AFF3: variants seen among roughly 807,000 people sequenced by gnomAD.
The protein encoded by AFF3 is AF4/FMR2 family member 3.
Under a neutral mutation model 129.7 loss-of-function variants are expected in AFF3, and 32 were observed. The observed-to-expected ratio is 0.25, with a 90% CI of 0.19 to 0.33. AFF3 has a LOEUF of 0.33. Ranked by LOEUF, AFF3 falls within the 10% of genes least tolerant of loss-of-function variation. The pLI is 1.00. For missense variants in AFF3, 1,373 were observed against 1,592.0 expected, an observed-to-expected ratio of 0.86 and a Z score of 2.34; for synonymous variants, 644 against 635.4, an observed-to-expected ratio of 1.01 and a Z score of -0.20.
At chr2:100,024,442 A>C (rs969764822) in intron 4 of AFF3, among the ~76,000 whole-genome samples, 30 of 148,358 alleles carry the variant, frequency 2.0e-4, no homozygotes, top group Non-Finnish European at 4.0e-4. Context: ...GTCTCTACTA[A>C]CAAAAAAAAT....
intron 8 of AFF3, among the ~76,000 whole-genome samples, chr2:99,756,754 T>C (rs1367940129): frequency 6.6e-6 from 1 of 152,256 alleles, no homozygotes; most frequent in Admixed American, 6.5e-5. Context: ...GTCTTTATAC[T>C]TGCTGTTTTG....
At chr2:100,058,789 A>G (rs1426194454) in intron 4 of AFF3, among the ~76,000 whole-genome samples, 1 of 152,234 alleles carries the variant, frequency 6.6e-6, no homozygotes, top group Non-Finnish European at 1.5e-5. Context: ...GAAAAGTACA[A>G]GTATAAAAAA....
intron 4 of AFF3, among the ~76,000 whole-genome samples, chr2:100,050,751 A>G (rs918581747): frequency 6.6e-6 from 1 of 152,110 alleles, no homozygotes; most frequent in Non-Finnish European, 1.5e-5. Context: ...TTACCCCCTC[A>G]TCTCCCAGCA....
intron 10 of AFF3, among the ~76,000 whole-genome samples, chr2:99,733,585 T>C (rs1389699629): frequency 6.6e-6 from 1 of 152,160 alleles, no homozygotes; most frequent in Non-Finnish European, 1.5e-5. Flanking sequence ...TAAAAGTATA[T>C]ACTTTTACTG....
intron 4 of AFF3, among the ~76,000 whole-genome samples, chr2:100,054,625 T>A (rs1686619829): frequency 6.6e-6 from 1 of 152,198 alleles, no homozygotes; most frequent in Non-Finnish European, 1.5e-5. Flanking sequence ...ATTCTGCAGA[T>A]CTTGGAACTT....
chr2:99,696,792 C>T (rs77766751), intron 11 of AFF3, among the ~76,000 whole-genome samples: 4,054 of 152,172 alleles, frequency 0.027, 89 homozygotes, highest in South Asian at 0.04. Flanking sequence ...TACAGGCACG[C>T]GCCACCATGC....
At chr2:99,785,833 A>G (rs1684747263) in intron 8 of AFF3, among the ~76,000 whole-genome samples, 1 of 152,014 alleles carries the variant, frequency 6.6e-6, no homozygotes, top group South Asian at 2.1e-4. Context: ...CTGCAACCTC[A>G]GCCTCCCGGG....
At chr2:100,125,319 G>A (rs1222549748) in intron 2 of AFF3, among the ~76,000 whole-genome samples, 6 of 152,100 alleles carry the variant, frequency 3.9e-5, no homozygotes, top group Admixed American at 3.9e-4. Flanking sequence ...ATATTATGGA[G>A]TCTGTAAATA....
chr2:100,129,988 T>G (rs1692357844), intron 1 of AFF3, among the ~76,000 whole-genome samples: 1 of 152,310 alleles, frequency 6.6e-6, no homozygotes, highest in South Asian at 2.1e-4. Flanking sequence ...GTGGCCTCTA[T>G]GTAGTCCTGC....
At chr2:99,697,406 G>A (rs1429665693) in intron 11 of AFF3, among the ~76,000 whole-genome samples, 4 of 152,180 alleles carry the variant, frequency 2.6e-5, no homozygotes, top group Admixed American at 2.6e-4. Flanking sequence ...CTTTGAAAAG[G>A]ACTTTCCAAC....
intron 13 of AFF3, among the ~76,000 whole-genome samples, chr2:99,643,726 G>C (rs1684432729): frequency 6.6e-6 from 1 of 152,144 alleles, no homozygotes; most frequent in African/African-American, 2.4e-5. Context: ...TGCCAGGTGG[G>C]TACCCGCTGC....
At chr2:100,136,035 C>T (rs13011874) in intron 1 of AFF3, among the ~76,000 whole-genome samples, 30,618 of 152,032 alleles carry the variant, frequency 0.2, 3,957 homozygotes, top group East Asian at 0.56. Context: ...GAAGGGGCTT[C>T]GTGGGGATGT....
At chr2:99,973,774 G>A (rs545534523) in intron 7 of AFF3, among the ~76,000 whole-genome samples, 1 of 151,550 alleles carries the variant, frequency 6.6e-6, no homozygotes, top group South Asian at 2.1e-4. Flanking sequence ...TTTTGTCTCT[G>A]CAGCTATTGT....
At chr2:100,134,537 A>T (rs961151717) in intron 1 of AFF3, among the ~76,000 whole-genome samples, 3 of 152,076 alleles carry the variant, frequency 2.0e-5, no homozygotes, top group Admixed American at 2.0e-4. Flanking sequence ...TTTATACTTT[A>T]TTTATTTGGT....
intron 13 of AFF3, among the ~76,000 whole-genome samples, chr2:99,611,973 T>C (rs1680976917): frequency 6.6e-6 from 1 of 152,202 alleles, no homozygotes; most frequent in African/African-American, 2.4e-5. Flanking sequence ...CTTCCGTCTG[T>C]GCCTACTGCC....
intron 7 of AFF3, among the ~76,000 whole-genome samples, chr2:99,969,478 C>CATTTATTTATTTATTT (rs6146857): frequency 0.053 from 7,908 of 150,482 alleles, 634 homozygotes; most frequent in African/African-American, 0.17. Flanking sequence ...ATTTTATTTT[C>CATTTATTTATTTATTT]ATTTATTTAT....
chr2:100,045,717 T>TGG (rs1685779823), intron 4 of AFF3, among the ~76,000 whole-genome samples: 1 of 152,052 alleles, frequency 6.6e-6, no homozygotes, highest in Non-Finnish European at 1.5e-5. Context: ...CACAGGAAGA[T>TGG]GGAAAGAATG....
chr2:99,995,518 G>A (rs767026577), intron 7 of AFF3, among the ~76,000 whole-genome samples: 4 of 151,928 alleles, frequency 2.6e-5, no homozygotes, highest in Admixed American at 6.6e-5. Context: ...GACTACAGGC[G>A]ACTGCCACCA....
intron 11 of AFF3, among the ~76,000 whole-genome samples, chr2:99,695,938 G>GAAAAAAAAAAAAAAAAAAAAAACA (rs1676196316): frequency 1.7e-5 from 1 of 57,648 alleles, no homozygotes. Flanking sequence ...CTGGAAAAAT[G>GAAAAAAAAAAAAAAAAAAAAAACA]AAAAAAAAAA....
Sources: gnomAD v4.1 joint callset for allele counts (sites outside exome capture counted in the v4.1 genomes callset) on GRCh38, gnomAD v4.1.1 for gene constraint, MANE v1.5 for transcripts, NCBI Gene and HGNC (gene_info 2026-07-23, HGNC 2026-07-21) for gene names.